Variants in CDK15 observed in about 807,000 individuals in gnomAD.
CDK15 encodes the protein cyclin-dependent kinase 15.
A neutral mutation model predicts 60.3 loss-of-function variants in CDK15; 62 were observed. The ratio of observed to expected loss-of-function variants is 1.03; its 90% CI spans 0.84 to 1.27. The LOEUF (loss-of-function observed/expected upper bound fraction) is 1.27, where lower values mean the gene tolerates loss of function less well. Ranked by LOEUF, CDK15 falls within the 50% of genes most tolerant of loss-of-function variation. The pLI, the probability that CDK15 is intolerant of heterozygous loss-of-function variation, is 0.00. For missense variants in CDK15, 541 were observed against 527.8 expected (o/e 1.03, Z -0.25); for synonymous variants, 194 against 195.7 (o/e 0.99, Z 0.07).
intron 11 of CDK15, among the ~76,000 whole-genome samples, chr2:201,874,702 G>A (rs371583719): frequency 9.9e-5 from 15 of 152,168 alleles, no homozygotes; most frequent in East Asian, 5.8e-4. Flanking sequence ...CTTGCTTGAG[G>A]TTTGATGGTG....
At chr2:201,831,420 G>A (rs1408851176) in intron 6 of CDK15, among the ~76,000 whole-genome samples, 8 of 152,176 alleles carry the variant, frequency 5.3e-5, no homozygotes, top group Admixed American at 5.2e-4. Context: ...CGATCTGGCT[G>A]ATGTTGAACT....
intron 10 of CDK15, among the ~76,000 whole-genome samples, chr2:201,858,504 C>T (rs895948882): frequency 2.0e-5 from 3 of 151,956 alleles, no homozygotes; most frequent in African/African-American, 7.3e-5. Flanking sequence ...ACTCTGTGTC[C>T]TCCACTTCAA....
At position 201,882,143 on chromosome 2, in the gene CDK15, C is replaced by T. The variant is rs147626221; in HGVS notation, c.1198+1976C>T. Among the ~76,000 whole-genome samples the T allele has an allele frequency of 2.5e-3, 387 of 151,998 alleles. 2 individuals carry two copies. The highest frequency in any genetic ancestry group is 8.5e-3 in the African/African-American group (354 of 41,432). Reference sequence around the variant, plus strand: ...AAAGCAAAGCCACCAACAGAGGGGCCGTGGTGCATGGGTATCTAAGGTTGT... The same window carrying T: ...AAAGCAAAGCCACCAACAGAGGGGCTGTGGTGCATGGGTATCTAAGGTTGT... On this transcript the variant is annotated intron_variant, in intron 12 of 13. Transcript: ENST00000652192. The surrounding 1 kb of genome is among the most constrained non-coding windows in gnomAD (Gnocchi z 4.0).
At position 201,893,519 on chromosome 2, in the gene CDK15, CTG is replaced by C. The variant is rs1339238339; in HGVS notation, c.*253_*254del. On this transcript the variant is annotated 3_prime_UTR_variant, in exon 14 of 14. Transcript: ENST00000652192. Reference sequence around the variant, plus strand: ...AATTTAAGTGATTGATTTAAAAAAACTGGACATAAACTAAGTCTAAGAAGAGG... The same window carrying C: ...AATTTAAGTGATTGATTTAAAAAAACGACATAAACTAAGTCTAAGAAGAGG... 1 of 152,146 alleles carries C rather than the reference CTG, an allele frequency of 6.6e-6. No homozygotes were observed. The highest frequency in any genetic ancestry group is 1.5e-5 in the Non-Finnish European group (1 of 68,024). The allele number at this position is 152,146 out of a possible 1,614,324, so 9.4% of individuals were successfully genotyped here. A position where few individuals can be genotyped will look rare whatever the true frequency, so the allele number is the denominator to read the frequency against.
intron 10 of CDK15, among the ~76,000 whole-genome samples, chr2:201,858,242 G>C (rs948998749): frequency 6.6e-6 from 1 of 152,170 alleles, no homozygotes; most frequent in Non-Finnish European, 1.5e-5. Context: ...TGATGAGCAG[G>C]GTTGTAAGTT....
intron 8 of CDK15, among the ~76,000 whole-genome samples, chr2:201,836,191 T>A (rs12468147): frequency 0.095 from 10,107 of 106,884 alleles, 553 homozygotes; most frequent in Middle Eastern, 0.21. Flanking sequence ...ATATATTTTT[T>A]TATATATATA....
chr2:201,862,432 A>G (rs1698439716), intron 10 of CDK15, among the ~76,000 whole-genome samples: 1 of 152,234 alleles, frequency 6.6e-6, no homozygotes, highest in African/African-American at 2.4e-5. Context: ...GATATTTGTG[A>G]AATGAAATCA....
At position 201,806,547 on chromosome 2, in the gene CDK15, T is replaced by C. The variant is rs1310838179; in HGVS notation, c.-118T>C. 8.3e-7 allele frequency: 1 copy of C among 1,201,818 alleles called. No individual in the cohort carries two copies. The highest frequency in any genetic ancestry group is 1.1e-6 in the Non-Finnish European group (1 of 903,078). 74.4% of individuals were successfully genotyped at this position (1,201,818 alleles called of 1,614,324 possible). ...GAGGCTGCTCCAGGCAGAGCCATCATGTGAGTCATATGAAAGCTCCACGCT... is the reference window on the plus strand; with the variant it reads ...GAGGCTGCTCCAGGCAGAGCCATCACGTGAGTCATATGAAAGCTCCACGCT... On this transcript the variant is annotated 5_prime_UTR_variant, in exon 1 of 14. An upstream start codon of the reference 5' UTR is lost. Coordinates refer to ENST00000652192, the MANE Select transcript of CDK15 (RefSeq NM_001366386.2).
chr2:201,876,726 C>T, intron 11 of CDK15: 1 of 392,868 alleles, frequency 2.5e-6, no homozygotes, highest in East Asian at 7.5e-5. Flanking sequence ...AAAAAGAGGT[C>T]CTTGCACTAA....
chr2:201,886,331 T>C (rs1699449085), intron 12 of CDK15, among the ~76,000 whole-genome samples: 1 of 145,888 alleles, frequency 6.9e-6, no homozygotes, highest in Non-Finnish European at 1.6e-5. Context: ...TTTAAGATTT[T>C]TTTTTTTTTT....
chr2:201,842,052 T>C (rs1477387790), intron 8 of CDK15, among the ~76,000 whole-genome samples: 1 of 152,226 alleles, frequency 6.6e-6, no homozygotes. Flanking sequence ...ATTCAGTACA[T>C]TCACATTGTT....
chr2:201,826,054 A>G (rs1210820506), intron 6 of CDK15, among the ~76,000 whole-genome samples: 1 of 152,214 alleles, frequency 6.6e-6, no homozygotes, highest in Non-Finnish European at 1.5e-5. Flanking sequence ...AAAACAAGAG[A>G]TAAGAAATAC....
At chr2:201,874,086 G>A (rs1037537658) in intron 11 of CDK15, among the ~76,000 whole-genome samples, 8 of 151,408 alleles carry the variant, frequency 5.3e-5, no homozygotes, top group Non-Finnish European at 1.0e-4. Context: ...AAAAAAGTTG[G>A]GGGGAGGTAA....
At chr2:201,851,638 C>T (rs1171655011) in intron 9 of CDK15, among the ~76,000 whole-genome samples, 1 of 152,142 alleles carries the variant, frequency 6.6e-6, no homozygotes. Context: ...AGAATACAAA[C>T]ATTTAAACCA....
intron 12 of CDK15, among the ~76,000 whole-genome samples, chr2:201,886,979 C>A (rs571227203): frequency 6.6e-6 from 1 of 152,250 alleles, no homozygotes; most frequent in Middle Eastern, 3.4e-3. Context: ...TACCCTATAC[C>A]TTTGTTCCTG....
At chr2:201,854,706 G>A (rs1184546553) in intron 9 of CDK15, 168 bp from the exon 10 acceptor site, 8 of 604,004 alleles carry the variant, frequency 1.3e-5, no homozygotes, top group Non-Finnish European at 2.1e-5. Context: ...CACAAACGTT[G>A]GAAACACTCA....
At chr2:201,891,701 T>C (rs958252461) in intron 13 of CDK15, among the ~76,000 whole-genome samples, 6 of 152,076 alleles carry the variant, frequency 3.9e-5, no homozygotes, top group Admixed American at 1.3e-4. Context: ...GACAACCCTA[T>C]AGATGTCTCA....
At chr2:201,853,821 G>A (rs905481195) in intron 9 of CDK15, among the ~76,000 whole-genome samples, 1 of 151,820 alleles carries the variant, frequency 6.6e-6, no homozygotes, top group Non-Finnish European at 1.5e-5. Flanking sequence ...TTTATACTCC[G>A]AAAGACTTTA....
chr2:201,866,004 G>C (rs1698615914), intron 10 of CDK15, among the ~76,000 whole-genome samples: 1 of 85,452 alleles, frequency 1.2e-5, no homozygotes, highest in African/African-American at 5.0e-5. Context: ...TTGAGGACAT[G>C]AGTGAATGTG....
Sources: gnomAD v4.1 joint callset for allele counts (sites outside exome capture counted in the v4.1 genomes callset) on GRCh38, gnomAD v4.1.1 for gene constraint, Gnocchi (gnomAD v3.1) non-coding constraint, MANE v1.5 for transcripts, NCBI Gene and HGNC (gene_info 2026-07-23, HGNC 2026-07-21) for gene names.